The following ATXN7L2 variants were observed in gnomAD, a reference collection of about 807,000 sequenced individuals.
ATXN7L2 encodes ataxin 7 like 2.
A neutral mutation model predicts 59.6 loss-of-function variants in ATXN7L2; 17 were observed. The observed-to-expected ratio is 0.29, with a 90% CI of 0.20 to 0.43. The LOEUF (loss-of-function observed/expected upper bound fraction) is 0.43, where lower values mean the gene tolerates loss of function less well. Ranked by LOEUF, ATXN7L2 falls within the 20% of genes least tolerant of loss-of-function variation. ATXN7L2 has a pLI of 1.00. For missense variants in ATXN7L2, 858 were observed against 1,008.9 expected (o/e 0.85, Z 2.03); for synonymous variants, 378 against 392.5 (o/e 0.96, Z 0.44).
intron 7 of ATXN7L2, 158 bp from the exon 8 acceptor site, chr1:109,489,772 C>A: frequency 1.4e-6 from 1 of 732,756 alleles, no homozygotes; most frequent in Non-Finnish European, 2.3e-6. Context: ...TGAGCTGTGT[C>A]GTTCCCTCCT....
rs1432344459 is a variant in ATXN7L2 at position 109,488,590 on chromosome 1, C to T, written c.879+125C>T. ...CTTAAGGGAGGGCAGTTAGGCCCAC[C>T]CAAGGGAAGGGGAGATGGGTATGCC... On this transcript the variant is annotated intron_variant, in intron 6 of 10. Transcript: ENST00000683729. The surrounding 1 kb of genome is among the most constrained non-coding windows in gnomAD (Gnocchi z 5.0). 1 of 1,165,682 alleles carries T rather than the reference C, an allele frequency of 8.6e-7. No homozygotes were observed. The highest frequency in any genetic ancestry group is 1.5e-5 in the African/African-American group (1 of 64,542). 72.2% of individuals were successfully genotyped at this position (1,165,682 alleles called of 1,614,324 possible).
Position 109,489,119 on chromosome 1 carries a change from C to T in ATXN7L2, c.1133+19C>T, listed in dbSNP as rs757878260. The T allele has an allele frequency of 5.6e-6, 9 of 1,599,224 alleles. No individual in the cohort carries two copies. The East Asian group carries it at 2.0e-4, about 36-fold the overall frequency. On this transcript the variant is annotated intron_variant, in intron 7 of 10. Transcript: ENST00000683729. ...TGCCCAGGTACGTCTAGAATCCAAC[C>T]CCTACCTCACCTGGGGGTACTTGGC... is the stretch of plus-strand genomic sequence containing the variant.
intron 10 of ATXN7L2, 77 bp from the exon 11 acceptor site, chr1:109,492,509 G>A: frequency 6.3e-7 from 1 of 1,588,362 alleles, no homozygotes; most frequent in African/African-American, 1.3e-5. Context: ...AGCCTCTGTA[G>A]TGCACACAGT....
Position 109,486,520 on chromosome 1 carries a change from G to A in ATXN7L2, c.208G>A (p.Gly70Arg). The A allele has an allele frequency of 6.2e-7, 1 of 1,612,704 alleles. No individual in the cohort carries two copies. Among genetic ancestry groups the A allele is most frequent in the Non-Finnish European group, 8.5e-7 (1 of 1,178,930 alleles). Residue 70 changes from glycine (G) to arginine (R), a missense_variant, in exon 3 of 11, where the codon GGG (glycine) becomes AGG (arginine). Around this residue, in one of 3 missense-constraint regions of ATXN7L2, gnomAD observed 29 missense variants for 64.0 expected, o/e 0.45. Coordinates refer to ENST00000683729, the MANE Select transcript of ATXN7L2 (RefSeq NM_001350175.2). The surrounding 1 kb of genome is among the most constrained non-coding windows in gnomAD (Gnocchi z 4.3). ...TLIKEDMSIFGHCPAHDDFYL... is the reference protein window; with the variant it reads ...TLIKEDMSIFRHCPAHDDFYL... The stretch of plus-strand genomic sequence containing the variant: ...TGTCATTGCAGACATGTCCATCTTC[G>A]GGCACTGCCCTGCCCATGATGACTT...
In ATXN7L2 at chr1:109,486,387, G is replaced by A. The variant is rs1656584866; in HGVS notation, c.194-119G>A. The A allele has an allele frequency of 3.1e-6, 3 of 981,864 alleles. No individual in the cohort carries two copies. Among genetic ancestry groups the A allele is most frequent in the Non-Finnish European group, 4.5e-6 (3 of 660,984 alleles). 60.8% of individuals were successfully genotyped at this position (981,864 alleles called of 1,614,324 possible). A position where few individuals can be genotyped will look rare whatever the true frequency, so the allele number is the denominator to read the frequency against. On this transcript the variant is annotated intron_variant, in intron 2 of 10. Coordinates refer to ENST00000683729, the MANE Select transcript of ATXN7L2 (RefSeq NM_001350175.2). The surrounding 1 kb of genome is among the most constrained non-coding windows in gnomAD (Gnocchi z 4.3). ...GGAAGCTGGAAGCATTCAGCATGGA[G>A]CTTGTTATATCAGCGGGGAGGTGAA...
Position 109,484,028 on chromosome 1 carries a change from G to T in ATXN7L2, c.75G>T (p.Ala25=). The T allele has an allele frequency of 6.8e-7, 1 of 1,469,272 alleles. No individual in the cohort carries two copies. 91.0% of individuals were successfully genotyped at this position (1,469,272 alleles called of 1,614,324 possible). ...GGGTGCCGAGTCTCGATGACTTCGC[G>T]GGACAGAGCTGGAGCTCGTGGGTGG... is the stretch of plus-strand genomic sequence containing the variant. ...ERRVPSLDDF[A]GQSWSSWVER... Residue 25 remains alanine, a synonymous_variant, in exon 1 of 11, where the codon GCG becomes GCT. Transcript: ENST00000683729.
At chr1:109,484,651 G>C (rs192372528) in intron 1 of ATXN7L2, among the ~76,000 whole-genome samples, 1 of 152,076 alleles carries the variant, frequency 6.6e-6, no homozygotes, top group African/African-American at 2.4e-5. Context: ...CCTTTCCCAG[G>C]CCTCTTGCCC....
rs1354004152 is a variant in ATXN7L2 at position 109,491,937 on chromosome 1, G to T, written c.2250+220G>T. 4 of 1,214,486 alleles carry T rather than the reference G, an allele frequency of 3.3e-6. No individual in the cohort carries two copies. Among genetic ancestry groups the T allele is most frequent in the Non-Finnish European group, 4.3e-6 (4 of 930,318 alleles). 75.2% of individuals were successfully genotyped at this position (1,214,486 alleles called of 1,614,324 possible). A position where few individuals can be genotyped will look rare whatever the true frequency, so the allele number is the denominator to read the frequency against. On this transcript the variant is annotated intron_variant, in intron 10 of 10. Coordinates refer to ENST00000683729, the MANE Select transcript of ATXN7L2 (RefSeq NM_001350175.2). The surrounding 1 kb of genome is among the most constrained non-coding windows in gnomAD (Gnocchi z 4.1). ...TCCCCTATCCCTAACCCTTTCCCTT[G>T]GGCTGAGGAGATGCGGCACCCCTCC...
At chr1:109,489,248 G>T (rs1013437897) in intron 7 of ATXN7L2, 148 bp downstream of exon 7, 23 of 1,114,816 alleles carry the variant, frequency 2.1e-5, no homozygotes, top group Admixed American at 5.3e-5. Context: ...CCTGACAGTG[G>T]TGTGGAAGCA....
intron 4 of ATXN7L2, 93 bp downstream of exon 4, chr1:109,487,310 C>T: frequency 7.8e-7 from 1 of 1,287,648 alleles, no homozygotes; most frequent in Non-Finnish European, 1.0e-6. Context: ...TCAAGGCATA[C>T]TCCTCACAGC....
intron 10 of ATXN7L2, 139 bp from the exon 11 acceptor site, chr1:109,492,447 T>A: frequency 3.4e-6 from 4 of 1,173,082 alleles, no homozygotes; most frequent in Non-Finnish European, 4.8e-6. Context: ...GGCATTCATC[T>A]TCCCCCTTGC....
intron 7 of ATXN7L2, 108 bp from the exon 8 acceptor site, chr1:109,489,822 G>A: frequency 8.7e-7 from 1 of 1,149,468 alleles, no homozygotes. Flanking sequence ...TTGCCCTGCA[G>A]GGTGTCTGCC....
At position 109,491,772 on chromosome 1, in the gene ATXN7L2, G is replaced by A; in HGVS notation, c.2250+55G>A. 6.8e-7 allele frequency: 1 copy of A among 1,481,374 alleles called. No homozygotes were observed. Among genetic ancestry groups the A allele is most frequent in the Non-Finnish European group, 9.0e-7 (1 of 1,109,284 alleles). 91.8% of individuals were successfully genotyped at this position (1,481,374 alleles called of 1,614,324 possible). On this transcript the variant is annotated intron_variant, in intron 10 of 10. Coordinates refer to ENST00000683729, the MANE Select transcript of ATXN7L2 (RefSeq NM_001350175.2). This position sits in a 1 kb window ranked among gnomAD's most constrained non-coding sequence, Gnocchi z 4.1. ...AGGGTGGGGCACACAGGGGGTACCT[G>A]ATACAGAGAAGATGCTACATTGGTG...
rs751983839 is a variant in ATXN7L2, at chr1:109,487,175, G to A, written c.467G>A (p.Arg156His). 36 of 1,592,768 alleles carry A rather than the reference G, an allele frequency of 2.3e-5. No individual in the cohort carries two copies. The highest frequency in any genetic ancestry group is 1.7e-4 in the Middle Eastern group (1 of 6,032). The change falls in exon 4 of 11, where the codon CGT becomes CAT. Residue 156 changes from arginine to histidine, a missense_variant. This residue lies in a region of ATXN7L2 where 734 missense variants were observed against 862.3 expected (regional missense o/e 0.85). Transcript: ENST00000683729. ...SREKGQGSRS[R>H]GHQPPEKTQK... ...GAGAAGGGCCAGGGGTCCCGGAGCCGTGGCCACCAGCCTCCTGAGAAGACC... is the reference window on the plus strand; with the variant it reads ...GAGAAGGGCCAGGGGTCCCGGAGCCATGGCCACCAGCCTCCTGAGAAGACC...
chr1:109,487,943 C>A, intron 5 of ATXN7L2, 139 bp downstream of exon 5: 1 of 1,028,380 alleles, frequency 9.7e-7, no homozygotes, highest in Admixed American at 3.2e-5. Flanking sequence ...GCCCCGTCAC[C>A]TCTTGACCTG....
chr1:109,489,986 G>A lies in ATXN7L2; in HGVS notation c.1190G>A (p.Gly397Glu), dbSNP rs747085636. The change falls in exon 8 of 11, where the codon GGG becomes GAG. Residue 397 changes from glycine to glutamate, a missense_variant. Gly to Glu is a moderately conservative substitution (Grantham distance 98, BLOSUM62 -2). This residue lies in a region of ATXN7L2 where 734 missense variants were observed against 862.3 expected (regional missense o/e 0.85). Transcript: ENST00000683729. ...GATGAAGGCCCCTGTGGTGGTGATG[G>A]GGACCCAGGCCTGTTCCCCTTCCCC... ...LDDEGPCGGD[G>E]DPGLFPFPMP... 13 of 1,613,774 alleles carry A rather than the reference G, an allele frequency of 8.1e-6. No homozygotes were observed. In the Middle Eastern group the frequency reaches 1.8e-3, roughly 225 times the overall value.
rs1336142402 is a variant in ATXN7L2, at chr1:109,491,012, C to A, written c.1545C>A (p.Pro515=). The change falls in exon 10 of 11, where the codon CCC becomes CCA. Residue 515 remains proline (P), a synonymous_variant. Transcript: ENST00000683729. This position sits in a 1 kb window ranked among gnomAD's most constrained non-coding sequence, Gnocchi z 4.1. The part of the protein sequence containing the change: ...PLSPSSTGTC[P]RLPGPTLRPA... ...GCCCATCCTCTACAGGCACCTGCCC[C>A]CGCCTTCCAGGTCCAACCCTGAGAC... The A allele has an allele frequency of 6.8e-6, 11 of 1,613,652 alleles. No individual in the cohort carries two copies. Among genetic ancestry groups the A allele is most frequent in the Non-Finnish European group, 9.3e-6 (11 of 1,179,942 alleles).
In ATXN7L2 at chr1:109,487,558, C is replaced by T; in HGVS notation, c.550C>T (p.Leu184Phe). 2.0e-6 allele frequency: 3 copies of T among 1,510,644 alleles called. No individual in the cohort carries two copies. The highest frequency in any genetic ancestry group is 2.7e-6 in the Non-Finnish European group (3 of 1,130,702). 93.6% of individuals were successfully genotyped at this position (1,510,644 alleles called of 1,614,324 possible). Residue 184 changes from leucine (L) to phenylalanine (F), a missense_variant, in exon 5 of 11, where the codon CTC becomes TTC. Physicochemically the swap from Leu to Phe is conservative, Grantham distance 22. Transcript: ENST00000683729. ...GGTGAATCTGGAGAAGATGTCCAGTCTCCCGAAGCCTGATGGACATGGAAT... is the reference window on the plus strand; with the variant it reads ...GGTGAATCTGGAGAAGATGTCCAGTTTCCCGAAGCCTGATGGACATGGAAT... ...PVVNLEKMSS[L>F]PKPDGHGIRV... is the part of the protein sequence containing the mutation.
chr1:109,491,871 G>T lies in ATXN7L2; in HGVS notation c.2250+154G>T, dbSNP rs183524972. 34 of 1,211,478 alleles carry T rather than the reference G, an allele frequency of 2.8e-5. No individual in the cohort carries two copies. The Admixed American group carries it at 9.9e-4, about 35-fold the overall frequency. 75.0% of individuals were successfully genotyped at this position (1,211,478 alleles called of 1,614,324 possible). A position where few individuals can be genotyped will look rare whatever the true frequency, so the allele number is the denominator to read the frequency against. ...GTTTTCTTTAGGAAGAGGTAGGTCAGTTCTTAGCAAAGTGACTCCAGCTTT... is the reference window on the plus strand; with the variant it reads ...GTTTTCTTTAGGAAGAGGTAGGTCATTTCTTAGCAAAGTGACTCCAGCTTT... On this transcript the variant is annotated intron_variant, in intron 10 of 10. Coordinates refer to ENST00000683729, the MANE Select transcript of ATXN7L2 (RefSeq NM_001350175.2). The surrounding 1 kb of genome is among the most constrained non-coding windows in gnomAD (Gnocchi z 4.1).
Sources: gnomAD v4.1 joint callset for allele counts (sites outside exome capture counted in the v4.1 genomes callset) on GRCh38, gnomAD v4.1.1 for gene constraint, gnomAD v4.1.1 regional missense constraint, Gnocchi (gnomAD v3.1) non-coding constraint, MANE v1.5 for transcripts, NCBI Gene and HGNC (gene_info 2026-07-23, HGNC 2026-07-21) for gene names.